The following MED13L variants were observed in gnomAD, a reference collection of about 807,000 sequenced individuals.
MED13L encodes the protein mediator complex subunit 13L.
MED13L carries 7 observed loss-of-function variants against 220.9 expected under a neutral mutation model. That is an observed-to-expected ratio of 0.03 (90% CI 0.02 to 0.06). The LOEUF is 0.06. Among genes scored for constraint, MED13L ranks in the 10% least tolerant of loss-of-function variants. MED13L has a pLI of 1.00. For missense variants in MED13L, 1,965 were observed against 2,760.5 expected (o/e 0.71, Z 6.46); for synonymous variants, 1,011 against 1,015.2 (o/e 1.00, Z 0.08).
At chr12:116,132,394 G>T (rs1286121022) in intron 2 of MED13L, among the ~76,000 whole-genome samples, 1 of 151,604 alleles carries the variant, frequency 6.6e-6, no homozygotes, top group Non-Finnish European at 1.5e-5. Context: ...GGATTAGTTT[G>T]TCATTTTTGC....
intron 2 of MED13L, among the ~76,000 whole-genome samples, chr12:116,116,416 G>A (rs61939696): frequency 0.048 from 7,233 of 152,160 alleles, 238 homozygotes; most frequent in Non-Finnish European, 0.076. Flanking sequence ...GTTCTTGGAG[G>A]GTGGCGCACT....
chr12:116,020,015 A>G (rs1178450685), intron 5 of MED13L, 43 bp from the exon 6 acceptor site: 2 of 1,553,622 alleles, frequency 1.3e-6, no homozygotes, highest in Admixed American at 3.4e-5. Flanking sequence ...TTAGAGAAAT[A>G]ATTCCTACTT....
At chr12:116,230,874 C>T (rs1447636396) in intron 2 of MED13L, among the ~76,000 whole-genome samples, 4 of 152,154 alleles carry the variant, frequency 2.6e-5, no homozygotes, top group Non-Finnish European at 4.4e-5. Context: ...AGTTCACAGA[C>T]TCTAAGATAC....
chr12:116,048,504 GA>G (rs745595726), intron 4 of MED13L, among the ~76,000 whole-genome samples: 1 of 152,134 alleles, frequency 6.6e-6, no homozygotes, highest in Admixed American at 6.5e-5. Context: ...TAGAAACTTA[GA>G]ATGTGACAGT....
chr12:116,142,091 C>A (rs1003847951), intron 2 of MED13L, among the ~76,000 whole-genome samples: 6 of 152,140 alleles, frequency 3.9e-5, no homozygotes, highest in African/African-American at 1.4e-4. Flanking sequence ...CATATGCCAC[C>A]CAATCAGACT....
At position 116,277,555 on chromosome 12, in the gene MED13L, G is replaced by C. The variant is rs917586326; in HGVS notation, c.-424C>G. ...GCCGCGGAGCGCGAACTCGCGAAGGGGGGGGTGCGGACGAAGCCAGCGGGC... is the reference window on the plus strand; with the variant it reads ...GCCGCGGAGCGCGAACTCGCGAAGGCGGGGGTGCGGACGAAGCCAGCGGGC... On this transcript the variant is annotated 5_prime_UTR_variant, in exon 1 of 31. Coordinates refer to ENST00000281928, the MANE Select transcript of MED13L (RefSeq NM_015335.5). Among the ~76,000 whole-genome samples, 2 of 149,524 alleles carry C rather than the reference G, an allele frequency of 1.3e-5. No homozygotes were observed. The highest frequency in any genetic ancestry group is 2.4e-5 in the African/African-American group (1 of 41,178).
At chr12:116,151,546 G>A (rs1018309810) in intron 2 of MED13L, among the ~76,000 whole-genome samples, 2 of 152,160 alleles carry the variant, frequency 1.3e-5, no homozygotes, top group Non-Finnish European at 2.9e-5. Context: ...TTAGAAAAAT[G>A]CAGATGGGAA....
intron 2 of MED13L, among the ~76,000 whole-genome samples, chr12:116,135,055 G>A (rs1046828479): frequency 2.0e-5 from 3 of 152,148 alleles, no homozygotes; most frequent in African/African-American, 7.2e-5. Flanking sequence ...TGTAGCCCCA[G>A]CTACTAGGGA....
intron 4 of MED13L, among the ~76,000 whole-genome samples, chr12:116,093,825 T>C (rs902096900): frequency 2.6e-5 from 4 of 152,160 alleles, no homozygotes; most frequent in African/African-American, 7.2e-5. Context: ...CATTAGCCAC[T>C]AAATGGATCT....
intron 1 of MED13L, among the ~76,000 whole-genome samples, chr12:116,251,381 C>G (rs1192959519): frequency 8.1e-6 from 1 of 123,958 alleles, no homozygotes; most frequent in African/African-American, 3.1e-5. Context: ...ACGATGGTCT[C>G]GATCTCCTGA....
chr12:116,154,476 T>C (rs952046977), intron 2 of MED13L, among the ~76,000 whole-genome samples: 1 of 152,198 alleles, frequency 6.6e-6, no homozygotes, highest in East Asian at 1.9e-4. Flanking sequence ...AAAACTCTAC[T>C]TTTTTAAAGA....
chr12:116,125,041 T>C (rs1355595641), intron 2 of MED13L, among the ~76,000 whole-genome samples: 1 of 152,230 alleles, frequency 6.6e-6, no homozygotes, highest in Non-Finnish European at 1.5e-5. Flanking sequence ...TATTGATTTT[T>C]ACACTAAGAA....
rs141054109 is a variant in MED13L at position 116,046,325 on chromosome 12, A to G, written c.480-23724T>C. 7.7e-3 allele frequency among the ~76,000 whole-genome samples: 1,172 copies of G among 152,152 alleles called. 9 individuals carry two copies. The highest frequency in any genetic ancestry group is 0.027 in the African/African-American group (1,131 of 41,560). On this transcript the variant is annotated intron_variant, in intron 4 of 30. Coordinates refer to ENST00000281928, the MANE Select transcript of MED13L (RefSeq NM_015335.5). ...TATGAAGACACCCATCCATTGAAACATTGAAAAAAAAATCACAAAAGAAAA... is the reference window on the plus strand; with the variant it reads ...TATGAAGACACCCATCCATTGAAACGTTGAAAAAAAAATCACAAAAGAAAA...
chr12:116,184,409 A>G (rs1215412989), intron 2 of MED13L, among the ~76,000 whole-genome samples: 1 of 152,178 alleles, frequency 6.6e-6, no homozygotes, highest in Non-Finnish European at 1.5e-5. Context: ...CAATGAAGAG[A>G]GGGATGTGTT....
At chr12:116,006,281 T>A in intron 12 of MED13L, 25 bp downstream of exon 12, 1 of 1,588,612 alleles carries the variant, frequency 6.3e-7, no homozygotes, top group Non-Finnish European at 8.6e-7. Flanking sequence ...ACAATCCAAG[T>A]GAGGCAAATA....
chr12:116,187,001 C>T lies in MED13L; in HGVS notation c.310+50467G>A, dbSNP rs578026492. On this transcript the variant is annotated intron_variant, in intron 2 of 30. Transcript: ENST00000281928. ...TCCAAACAGCTGCTTCCTGCTATGCCGCACACAGCATGTTTATTAATACCC... is the reference window on the plus strand; with the variant it reads ...TCCAAACAGCTGCTTCCTGCTATGCTGCACACAGCATGTTTATTAATACCC... 2.1e-4 allele frequency among the ~76,000 whole-genome samples: 32 copies of T among 152,284 alleles called. No homozygotes were observed. In the East Asian group the frequency reaches 5.0e-3, roughly 24 times the overall value.
At chr12:116,030,353 G>A (rs1880663600) in intron 4 of MED13L, among the ~76,000 whole-genome samples, 3 of 151,874 alleles carry the variant, frequency 2.0e-5, no homozygotes, top group African/African-American at 4.8e-5. Context: ...TAAATCATGG[G>A]TTACAGAAGA....
At position 116,144,535 on chromosome 12, in the gene MED13L, C is replaced by G. The variant is rs568638406; in HGVS notation, c.311-33023G>C. Among the ~76,000 whole-genome samples, 3 of 152,334 alleles carry G rather than the reference C, an allele frequency of 2.0e-5. No homozygotes were observed. In the South Asian group the frequency reaches 6.2e-4, roughly 32 times the overall value. On this transcript the variant is annotated intron_variant, in intron 2 of 30. Coordinates refer to ENST00000281928, the MANE Select transcript of MED13L (RefSeq NM_015335.5). ...GCTCAAAGCATGCTCAATATAAGTTCTGCATGTTTGTGGTTAATCAATGTG... is the reference window on the plus strand; with the variant it reads ...GCTCAAAGCATGCTCAATATAAGTTGTGCATGTTTGTGGTTAATCAATGTG...
Position 116,184,964 on chromosome 12 carries a change from A to C in MED13L, c.310+52504T>G, listed in dbSNP as rs143178701. ...TGGGTTTCAAAAGAATACATTTAGA[A>C]ATATATTCACAGGAAGTGTCTGTGT... On this transcript the variant is annotated intron_variant, in intron 2 of 30. Transcript: ENST00000281928. Among the ~76,000 whole-genome samples the C allele has an allele frequency of 4.6e-3, 698 of 152,328 alleles. 17 individuals carry two copies. The highest frequency in any genetic ancestry group is 0.042 in the Admixed American group (642 of 15,302).
Sources: gnomAD v4.1 joint callset for allele counts (sites outside exome capture counted in the v4.1 genomes callset) on GRCh38, gnomAD v4.1.1 for gene constraint, MANE v1.5 for transcripts, NCBI Gene and HGNC (gene_info 2026-07-23, HGNC 2026-07-21) for gene names.